Variants in ANKRD55 observed in about 807,000 individuals in gnomAD.
ANKRD55 encodes the protein ankyrin repeat domain 55, also known as ankyrin repeat domain-containing protein 55.
A neutral mutation model predicts 60.6 loss-of-function variants in ANKRD55; 41 were observed. The ratio of observed to expected loss-of-function variants is 0.68; its 90% confidence interval spans 0.53 to 0.88. ANKRD55 has a LOEUF of 0.88. ANKRD55 is among the 40% of genes least tolerant of loss of function. ANKRD55 has a pLI of 0.00. For synonymous variants in ANKRD55, 264 were observed against 290.3 expected (o/e 0.91, Z 0.92); for missense variants, 732 against 767.6 (o/e 0.95, Z 0.55).
intron 2 of ANKRD55, among the ~76,000 whole-genome samples, chr5:56,206,895 C>T (rs1581021376): frequency 6.6e-6 from 1 of 152,320 alleles, no homozygotes; most frequent in African/African-American, 2.4e-5. Flanking sequence ...AGGACAGTGG[C>T]AGGTAGTGTC....
At chr5:56,146,093 A>G (rs1757887422) in intron 6 of ANKRD55, among the ~76,000 whole-genome samples, 1 of 152,196 alleles carries the variant, frequency 6.6e-6, no homozygotes, top group Admixed American at 6.5e-5. Context: ...TTCATTGCAA[A>G]TGAAGTGATG....
intron 6 of ANKRD55, among the ~76,000 whole-genome samples, chr5:56,158,113 G>A (rs539970921): frequency 6.6e-6 from 1 of 152,130 alleles, no homozygotes; most frequent in Admixed American, 6.5e-5. Context: ...TCTGGGAGGC[G>A]GAGGCTGTAG....
At chr5:56,211,419 T>C (rs1022788147) in intron 2 of ANKRD55, among the ~76,000 whole-genome samples, 2 of 152,292 alleles carry the variant, frequency 1.3e-5, no homozygotes, top group South Asian at 2.1e-4. Flanking sequence ...CTGTATGAGG[T>C]TGAGGTAGGT....
intron 9 of ANKRD55, chr5:56,114,257 G>C (rs1756824158): frequency 6.2e-6 from 1 of 160,948 alleles, no homozygotes; most frequent in South Asian, 1.6e-4. Context: ...GAACCTGGGA[G>C]GCAGAGGTTT....
At chr5:56,190,578 A>G (rs1331673165) in intron 2 of ANKRD55, among the ~76,000 whole-genome samples, 1 of 152,180 alleles carries the variant, frequency 6.6e-6, no homozygotes, top group East Asian at 1.9e-4. Context: ...CATTGAAAAT[A>G]CTATTGTCTT....
rs35793814 is a variant in ANKRD55, at chr5:56,121,374, C to CTT, written c.798-4594_798-4593dup. On this transcript the variant is annotated intron_variant, in intron 8 of 11. Transcript: ENST00000341048. ...ACTTGATATAGTAAGTGTTCCACCACTTTTTTTTTTTTTTTTTGAGATGGA... is the reference window on the plus strand; with the variant it reads ...ACTTGATATAGTAAGTGTTCCACCACTTTTTTTTTTTTTTTTTTTGAGATGGA... Among the ~76,000 whole-genome samples the CTT allele has an allele frequency of 6.3e-3, 822 of 130,630 alleles. 26 individuals are homozygous for CTT. Among genetic ancestry groups the CTT allele is most frequent in the Admixed American group, 0.034 (434 of 12,818 alleles). 85.7% of individuals were successfully genotyped at this position (130,630 alleles called of 152,430 possible).
intron 10 of ANKRD55, among the ~76,000 whole-genome samples, chr5:56,110,192 T>C (rs1756637077): frequency 1.3e-5 from 2 of 148,918 alleles, no homozygotes; most frequent in African/African-American, 2.5e-5. Flanking sequence ...AGGCCATGAG[T>C]TCACCACCAG....
At chr5:56,118,043 T>A (rs746456819) in intron 8 of ANKRD55, among the ~76,000 whole-genome samples, 1 of 152,062 alleles carries the variant, frequency 6.6e-6, no homozygotes, top group Non-Finnish European at 1.5e-5. Flanking sequence ...CTCAGGAGGC[T>A]GAGGCATGAG....
intron 2 of ANKRD55, among the ~76,000 whole-genome samples, chr5:56,220,230 A>G (rs1465327776): frequency 2.6e-5 from 4 of 152,244 alleles, no homozygotes; most frequent in Admixed American, 6.5e-5. Flanking sequence ...GGTGAAGAAT[A>G]CTGATGGCTG....
intron 10 of ANKRD55, among the ~76,000 whole-genome samples, chr5:56,107,984 C>T (rs1363843837): frequency 3.9e-5 from 6 of 152,068 alleles, no homozygotes; most frequent in African/African-American, 1.4e-4. Context: ...ATCCTCCCGT[C>T]TCAGCCCCCC....
intron 2 of ANKRD55, among the ~76,000 whole-genome samples, chr5:56,185,495 C>T (rs764941035): frequency 2.0e-5 from 3 of 151,784 alleles, no homozygotes; most frequent in Non-Finnish European, 4.4e-5. Context: ...GGAGAAACTC[C>T]GTCTCTACTA....
intron 8 of ANKRD55, among the ~76,000 whole-genome samples, chr5:56,120,681 C>T (rs537486131): frequency 1.2e-3 from 188 of 152,106 alleles, no homozygotes; most frequent in African/African-American, 4.2e-3. Flanking sequence ...AGGCGGATCA[C>T]GAGGTCAGGA....
At chr5:56,135,946 T>C (rs1048219655) in intron 7 of ANKRD55, among the ~76,000 whole-genome samples, 12 of 152,018 alleles carry the variant, frequency 7.9e-5, no homozygotes, top group Non-Finnish European at 1.5e-4. Context: ...AAAAATACAA[T>C]ACCATTTACA....
Position 56,204,226 on chromosome 5 carries a change from C to T in ANKRD55, c.59-20592G>A, listed in dbSNP as rs570468699. ...GTTCATTGTAGATTCTGGATATTAG[C>T]CCTTTGTCAGATGAGTAGATTGCAA... On this transcript the variant is annotated intron_variant, in intron 2 of 11. Coordinates refer to ENST00000341048, the MANE Select transcript of ANKRD55 (RefSeq NM_024669.3). 7.5e-3 allele frequency among the ~76,000 whole-genome samples: 1,135 copies of T among 152,158 alleles called. 5 individuals carry two copies. The highest frequency in any genetic ancestry group is 0.012 in the Non-Finnish European group (802 of 68,002).
At chr5:56,138,187 G>A (rs1757663355) in intron 7 of ANKRD55, among the ~76,000 whole-genome samples, 1 of 149,558 alleles carries the variant, frequency 6.7e-6, no homozygotes, top group South Asian at 2.1e-4. Context: ...GAGTGCAATG[G>A]CGCAATCTTG....
At chr5:56,150,349 C>G (rs889251510) in intron 6 of ANKRD55, among the ~76,000 whole-genome samples, 1 of 151,810 alleles carries the variant, frequency 6.6e-6, no homozygotes, top group African/African-American at 2.4e-5. Context: ...TCTTATTTAA[C>G]GCATTAATAA....
At chr5:56,163,551 A>AC (rs1758381853) in intron 5 of ANKRD55, among the ~76,000 whole-genome samples, 1 of 152,214 alleles carries the variant, frequency 6.6e-6, no homozygotes, top group Admixed American at 6.5e-5. Flanking sequence ...GCAGGCTTGG[A>AC]CCCCAGCAAG....
intron 10 of ANKRD55, among the ~76,000 whole-genome samples, chr5:56,103,934 T>C (rs1000162468): frequency 2.6e-5 from 4 of 152,252 alleles, no homozygotes; most frequent in Non-Finnish European, 5.9e-5. Context: ...ACCTCAGCAA[T>C]GTTAGTTGAT....
chr5:56,184,558 C>T (rs1758925711), intron 2 of ANKRD55, among the ~76,000 whole-genome samples: 1 of 152,210 alleles, frequency 6.6e-6, no homozygotes, highest in African/African-American at 2.4e-5. Flanking sequence ...TGGTAGCCAC[C>T]TGCATTATGC....
Sources: allele counts gnomAD v4.1 joint callset (sites outside exome capture counted in the v4.1 genomes callset), GRCh38; gene constraint gnomAD v4.1.1; transcripts MANE v1.5; gene names NCBI Gene and HGNC (gene_info 2026-07-23, HGNC 2026-07-21).